TCF4: variants seen among roughly 807,000 people sequenced by gnomAD.
TCF4 encodes the protein transcription factor 4, also known as SL3-3 enhancer factor 2.
A neutral mutation model predicts 82.1 loss-of-function variants in TCF4; 3 were observed. The observed-to-expected ratio is 0.04, with a 90% CI of 0.02 to 0.09. The LOEUF (loss-of-function observed/expected upper bound fraction) is 0.09. Ranked by LOEUF, TCF4 falls within the 10% of genes least tolerant of loss-of-function variation. The pLI, the probability that TCF4 is intolerant of heterozygous loss-of-function variation, is 1.00. For synonymous variants in TCF4, 276 were observed against 309.6 expected (o/e 0.89, Z 1.14); for missense variants, 518 against 852.7 (o/e 0.61, Z 4.89).
At chr18:55,478,817 G>T (rs1371473225) in intron 3 of TCF4, among the ~76,000 whole-genome samples, 1 of 112,302 alleles carries the variant, frequency 8.9e-6, no homozygotes, top group African/African-American at 3.3e-5. Flanking sequence ...TGTGGCATAA[G>T]GAGATTTAAA....
intron 6 of TCF4, among the ~76,000 whole-genome samples, chr18:55,366,168 C>T (rs1243091611): frequency 6.6e-6 from 1 of 152,020 alleles, no homozygotes; most frequent in Non-Finnish European, 1.5e-5. Flanking sequence ...TGTTATTTGG[C>T]TTTTGTTTTT....
intron 8 of TCF4, among the ~76,000 whole-genome samples, chr18:55,307,126 A>T (rs975746251): frequency 7.9e-5 from 12 of 151,254 alleles, no homozygotes; most frequent in African/African-American, 2.5e-4. Flanking sequence ...ATTCTGATTT[A>T]AAAAAAGGCT....
intron 8 of TCF4, among the ~76,000 whole-genome samples, chr18:55,346,878 A>T (rs1177753229): frequency 1.3e-5 from 2 of 152,212 alleles, no homozygotes; most frequent in Non-Finnish European, 2.9e-5. Context: ...GCTACTTTCT[A>T]GATTTTAGTA....
intron 3 of TCF4, among the ~76,000 whole-genome samples, chr18:55,514,786 G>A (rs986788381): frequency 1.3e-5 from 2 of 151,888 alleles, no homozygotes; most frequent in African/African-American, 4.8e-5. Context: ...ATATATGGAT[G>A]CACAAAGCAA....
At chr18:55,475,730 G>A (rs1279850083) in intron 3 of TCF4, among the ~76,000 whole-genome samples, 3 of 152,112 alleles carry the variant, frequency 2.0e-5, no homozygotes, top group Non-Finnish European at 4.4e-5. Context: ...GAAATGTAGG[G>A]CAATAAATGC....
At chr18:55,229,285 T>C (rs555437606) in intron 17 of TCF4, 1 of 609,580 alleles carries the variant, frequency 1.6e-6, no homozygotes, top group African/African-American at 1.8e-5. Flanking sequence ...CTCGCAGACA[T>C]TAAACCCAAA....
At chr18:55,559,245 T>C (rs2097333950) in intron 3 of TCF4, among the ~76,000 whole-genome samples, 1 of 151,942 alleles carries the variant, frequency 6.6e-6, no homozygotes, top group Non-Finnish European at 1.5e-5. Context: ...CATAATCACT[T>C]TTAGCATATG....
At chr18:55,237,972 A>G (rs528539050) in intron 15 of TCF4, among the ~76,000 whole-genome samples, 2 of 152,376 alleles carry the variant, frequency 1.3e-5, no homozygotes, top group Admixed American at 1.3e-4. Flanking sequence ...TGTTCTCTGT[A>G]TATACAAGGG....
At chr18:55,411,970 A>C (rs979697819) in intron 5 of TCF4, among the ~76,000 whole-genome samples, 2 of 152,020 alleles carry the variant, frequency 1.3e-5, no homozygotes, top group African/African-American at 4.8e-5. Flanking sequence ...TGAACTCCCG[A>C]CCTCAAGTGA....
intron 1 of TCF4, among the ~76,000 whole-genome samples, chr18:55,631,689 A>C (rs1346264496): frequency 1.3e-5 from 2 of 152,174 alleles, no homozygotes; most frequent in African/African-American, 4.8e-5. Flanking sequence ...CAGTCTATTG[A>C]GTTCTGAGAG....
chr18:55,422,140 A>G, intron 5 of TCF4: 1 of 886,440 alleles, frequency 1.1e-6, no homozygotes, highest in Non-Finnish European at 1.3e-6. Flanking sequence ...AAAAAAAAAA[A>G]AAAAAAAACC....
intron 3 of TCF4, among the ~76,000 whole-genome samples, chr18:55,494,812 T>A (rs1258053266): frequency 6.6e-5 from 10 of 152,172 alleles, no homozygotes; most frequent in Middle Eastern, 3.4e-3. Context: ...AGAACATAAA[T>A]CTTGAAAAGG....
chr18:55,234,723 G>C (rs975087530), intron 15 of TCF4, 40 bp from the exon 16 acceptor site: 1 of 1,613,320 alleles, frequency 6.2e-7, no homozygotes, highest in African/African-American at 1.3e-5. Context: ...AGCAGGAACC[G>C]GAGGTGCGAC....
At chr18:55,601,029 A>G (rs1014751911) in intron 2 of TCF4, among the ~76,000 whole-genome samples, 4 of 152,138 alleles carry the variant, frequency 2.6e-5, no homozygotes, top group African/African-American at 7.2e-5. Flanking sequence ...GCCCAGAACA[A>G]TCACCCTCAG....
At chr18:55,292,135 A>G (rs947531271) in intron 8 of TCF4, among the ~76,000 whole-genome samples, 26 of 152,282 alleles carry the variant, frequency 1.7e-4, no homozygotes, top group Non-Finnish European at 3.1e-4. Flanking sequence ...TTTAAATTTT[A>G]GGTATTTTTT....
rs531165300 is a variant in TCF4, at chr18:55,380,249, G to A, written c.369+23205C>T. Among the ~76,000 whole-genome samples the A allele has an allele frequency of 1.1e-4, 16 of 151,932 alleles. 1 individual carries two copies. In the South Asian group the frequency reaches 3.3e-3, roughly 32 times the overall value. Reference sequence around the variant, plus strand: ...CATGGAGAAGAGAGAAGGCTGGCTAGCTCTCTTCCTTTACTTTTCTTTTTT... The same window carrying A: ...CATGGAGAAGAGAGAAGGCTGGCTAACTCTCTTCCTTTACTTTTCTTTTTT... On this transcript the variant is annotated intron_variant, in intron 6 of 19. Transcript: ENST00000354452.
At chr18:55,447,491 A>T (rs2095546944) in intron 5 of TCF4, among the ~76,000 whole-genome samples, 1 of 152,170 alleles carries the variant, frequency 6.6e-6, no homozygotes, top group Admixed American at 6.5e-5. Flanking sequence ...GCCACTATCT[A>T]GTACCTAACA....
intron 3 of TCF4, chr18:55,510,618 T>C: frequency 6.6e-7 from 1 of 1,517,026 alleles, no homozygotes; most frequent in Non-Finnish European, 8.8e-7. Context: ...AGTAATAAAT[T>C]CCCCCAATAT....
At chr18:55,375,616 T>C (rs2090536661) in intron 6 of TCF4, among the ~76,000 whole-genome samples, 1 of 152,098 alleles carries the variant, frequency 6.6e-6, no homozygotes. Context: ...ATGATTTTCT[T>C]CCTAAAAAAT....
Sources: gnomAD v4.1 joint callset for allele counts (sites outside exome capture counted in the v4.1 genomes callset) on GRCh38, gnomAD v4.1.1 for gene constraint, MANE v1.5 for transcripts, NCBI Gene and HGNC (gene_info 2026-07-23, HGNC 2026-07-21) for gene names.